The following XKR9 variants were observed in gnomAD, a reference collection of about 807,000 sequenced individuals.
The protein encoded by XKR9 is XK related 9, also known as XK-related protein 9.
In XKR9, 32 loss-of-function variants were observed where a neutral mutation model predicts 32.0. The ratio of observed to expected loss-of-function variants is 1.00; its 90% CI spans 0.76 to 1.34. XKR9 has a LOEUF of 1.34. XKR9 is among the 40% of genes most tolerant of loss of function. XKR9 has a pLI of 0.00. For missense variants in XKR9, 546 were observed against 429.7 expected, an observed-to-expected ratio of 1.27 and a Z score of -2.39; for synonymous variants, 168 against 143.4, an observed-to-expected ratio of 1.17 and a Z score of -1.22.
At chr8:70,708,590 G>A (rs1805804233) in intron 4 of XKR9, among the ~76,000 whole-genome samples, 1 of 152,000 alleles carries the variant, frequency 6.6e-6, no homozygotes, top group Non-Finnish European at 1.5e-5. Context: ...ACAGTTTATA[G>A]AATTTTCTGT....
intron 2 of XKR9, among the ~76,000 whole-genome samples, chr8:70,777,735 T>C (rs1362244376): frequency 6.6e-6 from 1 of 152,240 alleles, no homozygotes; most frequent in African/African-American, 2.4e-5. Context: ...TTCATATGTC[T>C]CTTGGCTGCA....
chr8:70,725,019 G>A (rs958881283), intron 4 of XKR9, among the ~76,000 whole-genome samples: 1 of 152,138 alleles, frequency 6.6e-6, no homozygotes, highest in Admixed American at 6.6e-5. Context: ...ATGGCAGACG[G>A]GGAAGCAAAC....
chr8:70,804,888 G>A, the XKR9 span, among the ~76,000 whole-genome samples: 1 of 152,132 alleles, frequency 6.6e-6, no homozygotes, highest in South Asian at 2.1e-4. Flanking sequence ...AAGAAAAAGA[G>A]CATTACACAT....
the XKR9 span, among the ~76,000 whole-genome samples, chr8:70,974,358 CG>C: frequency 1.3e-5 from 2 of 151,886 alleles, no homozygotes; most frequent in Admixed American, 1.3e-4. Context: ...TCATCATTTA[CG>C]TTAGGTATTT....
At chr8:70,870,541 A>C in the XKR9 span, among the ~76,000 whole-genome samples, 1 of 152,202 alleles carries the variant, frequency 6.6e-6, no homozygotes, top group Non-Finnish European at 1.5e-5. Context: ...TGGTCTCATA[A>C]AGTATGGAAG....
chr8:70,811,836 A>T, the XKR9 span, among the ~76,000 whole-genome samples: 339 of 152,154 alleles, frequency 2.2e-3, 1 homozygote, highest in African/African-American at 7.8e-3. Flanking sequence ...GACCAGATGG[A>T]TTCACAGCCG....
chr8:70,817,647 CA>C, the XKR9 span, among the ~76,000 whole-genome samples: 25 of 152,050 alleles, frequency 1.6e-4, no homozygotes, highest in Admixed American at 3.9e-4. Context: ...TATGGGCCCC[CA>C]AAAAGCCCCA....
chr8:70,713,405 A>T (rs1001938157), intron 4 of XKR9, among the ~76,000 whole-genome samples: 1 of 152,294 alleles, frequency 6.6e-6, no homozygotes, highest in Non-Finnish European at 1.5e-5. Flanking sequence ...TTCAGAACTG[A>T]TGAGAGACAC....
chr8:70,911,371 G>A, the XKR9 span, among the ~76,000 whole-genome samples: 1 of 152,262 alleles, frequency 6.6e-6, no homozygotes, highest in South Asian at 2.1e-4. Context: ...CCTCATATAT[G>A]TAAGATAATA....
At chr8:70,749,529 C>A (rs1028372987) in intron 2 of XKR9, among the ~76,000 whole-genome samples, 1 of 150,918 alleles carries the variant, frequency 6.6e-6, no homozygotes, top group Non-Finnish European at 1.5e-5. Flanking sequence ...CACATGGAGT[C>A]GGCATCTGTG....
chr8:71,047,535 C>T, the XKR9 span, among the ~76,000 whole-genome samples: 1 of 152,246 alleles, frequency 6.6e-6, no homozygotes, highest in Admixed American at 6.5e-5. Context: ...TCTTCTCATA[C>T]TGCAAGTCTC....
chr8:70,910,317 C>T, the XKR9 span, among the ~76,000 whole-genome samples: 1 of 152,108 alleles, frequency 6.6e-6, no homozygotes, highest in Non-Finnish European at 1.5e-5. Context: ...TTGTTGTGGA[C>T]ACTGCAAGCA....
the XKR9 span, among the ~76,000 whole-genome samples, chr8:70,803,950 G>C: frequency 6.6e-6 from 1 of 152,210 alleles, no homozygotes; most frequent in Admixed American, 6.5e-5. Context: ...ACCAGTGGCA[G>C]GGATAGGTGG....
At chr8:70,706,841 C>T in intron 3 of XKR9, 92 bp from the exon 4 acceptor site, 2 of 1,083,462 alleles carry the variant, frequency 1.8e-6, no homozygotes, top group East Asian at 2.6e-5. Flanking sequence ...GTACTTAAAA[C>T]ACATATTCCT....
chr8:70,675,254 C>T (rs1818845351), intron 2 of XKR9, among the ~76,000 whole-genome samples: 1 of 152,100 alleles, frequency 6.6e-6, no homozygotes, highest in East Asian at 1.9e-4. Flanking sequence ...GGCGAAACCC[C>T]GTCTCTACTA....
chr8:70,752,387 C>T (rs938548021), intron 2 of XKR9, among the ~76,000 whole-genome samples: 3 of 152,118 alleles, frequency 2.0e-5, no homozygotes, highest in African/African-American at 7.2e-5. Context: ...GTGGCCACAT[C>T]TCGTTGGCTT....
At chr8:70,952,694 C>T in the XKR9 span, among the ~76,000 whole-genome samples, 60 of 152,238 alleles carry the variant, frequency 3.9e-4, no homozygotes, top group East Asian at 9.1e-3. Context: ...GGTAGATGAG[C>T]ATAACTATGG....
At chr8:70,811,435 A>G in the XKR9 span, among the ~76,000 whole-genome samples, 1 of 152,228 alleles carries the variant, frequency 6.6e-6, no homozygotes, top group Non-Finnish European at 1.5e-5. Flanking sequence ...AGAAATCACT[A>G]AAATCAGAGC....
chr8:70,704,554 G>A (rs1369702602), intron 3 of XKR9, among the ~76,000 whole-genome samples: 2 of 152,172 alleles, frequency 1.3e-5, no homozygotes, highest in Non-Finnish European at 2.9e-5. Flanking sequence ...AGCACAGAGA[G>A]ATTAAACCAG....
Sources: gnomAD v4.1 joint callset for allele counts (sites outside exome capture counted in the v4.1 genomes callset) on GRCh38, gnomAD v4.1.1 for gene constraint, MANE v1.5 for transcripts, NCBI Gene and HGNC (gene_info 2026-07-23, HGNC 2026-07-21) for gene names.